The following KCNQ4 variants were observed in gnomAD, a reference collection of about 807,000 sequenced individuals.
The protein encoded by KCNQ4 is potassium voltage-gated channel subfamily Q member 4.
KCNQ4 carries 31 observed loss-of-function variants against 72.6 expected under a neutral mutation model. The ratio of observed to expected loss-of-function variants is 0.43; its 90% CI spans 0.32 to 0.58. KCNQ4 has a LOEUF of 0.58. Among genes scored for constraint, KCNQ4 ranks in the 20% least tolerant of loss-of-function variants. The pLI is 0.08. For missense variants in KCNQ4, 869 were observed against 962.6 expected (o/e 0.90, Z 1.29); for synonymous variants, 405 against 403.7 (o/e 1.00, Z -0.04).
chr1:40,803,081 T>A (rs75789880), intron 1 of KCNQ4, among the ~76,000 whole-genome samples: 1 of 152,184 alleles, frequency 6.6e-6, no homozygotes, highest in African/African-American at 2.4e-5. Flanking sequence ...TGCTTATCAT[T>A]ATTCAATTAT....
intron 1 of KCNQ4, among the ~76,000 whole-genome samples, chr1:40,793,004 CTTTTTTTTT>C (rs10549805): frequency 9.2e-6 from 1 of 109,076 alleles, no homozygotes. Context: ...TTCTTTCTTT[CTTTTTTTTT>C]TTTTTTTTTT....
chr1:40,801,047 C>T (rs1647559051), intron 1 of KCNQ4, among the ~76,000 whole-genome samples: 1 of 152,046 alleles, frequency 6.6e-6, no homozygotes, highest in Admixed American at 6.6e-5. Flanking sequence ...TCTATTTTAA[C>T]AGTAAGAAGC....
chr1:40,822,642 C>T (rs562844088), intron 8 of KCNQ4, among the ~76,000 whole-genome samples: 2 of 152,336 alleles, frequency 1.3e-5, no homozygotes, highest in South Asian at 4.1e-4. Flanking sequence ...TGCCCCATGG[C>T]TGAACCCCGG....
chr1:40,820,538 A>C (rs1648256769), intron 7 of KCNQ4, among the ~76,000 whole-genome samples: 1 of 152,192 alleles, frequency 6.6e-6, no homozygotes, highest in African/African-American at 2.4e-5. Flanking sequence ...GGGCCTGGGG[A>C]GGGGCGGAGC....
intron 11 of KCNQ4, 22 bp from the exon 12 acceptor site, chr1:40,834,943 CCT>C (rs2148332501): frequency 6.2e-7 from 1 of 1,612,076 alleles, no homozygotes; most frequent in East Asian, 2.2e-5. Flanking sequence ...CAGGACACTC[CCT>C]CTGAGCCCCC....
At chr1:40,791,068 C>G (rs927038074) in intron 1 of KCNQ4, among the ~76,000 whole-genome samples, 3 of 152,022 alleles carry the variant, frequency 2.0e-5, no homozygotes, top group Admixed American at 1.3e-4. Flanking sequence ...GAGGAGGGCA[C>G]TCCCCCACTC....
rs188088789 is a variant in KCNQ4, at chr1:40,810,138, C to A, written c.315-7127C>A. ...CAGTGCCTGAGAATGCTACTCAAGGCCCCTGGGTCTGGCCCTCTCTGGTTT... is the reference window on the plus strand; with the variant it reads ...CAGTGCCTGAGAATGCTACTCAAGGACCCTGGGTCTGGCCCTCTCTGGTTT... On this transcript the variant is annotated intron_variant, in intron 1 of 13. Coordinates refer to ENST00000347132, the MANE Select transcript of KCNQ4 (RefSeq NM_004700.4). Among the ~76,000 whole-genome samples, 78 of 152,278 alleles carry A rather than the reference C, an allele frequency of 5.1e-4. 1 individual carries two copies. Among genetic ancestry groups the A allele is most frequent in the African/African-American group, 1.8e-3 (75 of 41,556 alleles).
rs936975745 is a variant in KCNQ4, at chr1:40,784,548, G to C, written c.314+141G>C. 1 of 814,866 alleles carries C rather than the reference G, an allele frequency of 1.2e-6. No individual in the cohort carries two copies. The highest frequency in any genetic ancestry group is 1.7e-5 in the African/African-American group (1 of 59,304). 50.5% of individuals were successfully genotyped at this position (814,866 alleles called of 1,614,324 possible). A position where few individuals can be genotyped will look rare whatever the true frequency, so the allele number is the denominator to read the frequency against. On this transcript the variant is annotated intron_variant, in intron 1 of 13. Transcript: ENST00000347132. This position sits in a 1 kb window ranked among gnomAD's most constrained non-coding sequence, Gnocchi z 4.1. ...TCTCTCTCCCCCCAGGCCTAAGCCC[G>C]GTTTCTGATCCCCTCGCTGAGCCCG... is the stretch of plus-strand genomic sequence containing the variant.
At chr1:40,808,717 C>T (rs1440168623) in intron 1 of KCNQ4, among the ~76,000 whole-genome samples, 1 of 152,228 alleles carries the variant, frequency 6.6e-6, no homozygotes, top group Non-Finnish European at 1.5e-5. Flanking sequence ...GGATCCCAGC[C>T]TCCCATCTTC....
chr1:40,792,670 G>A (rs1484597938), intron 1 of KCNQ4, among the ~76,000 whole-genome samples: 1 of 152,156 alleles, frequency 6.6e-6, no homozygotes, highest in Non-Finnish European at 1.5e-5. Context: ...CAGTCTGGTG[G>A]GAGAGACGGG....
intron 1 of KCNQ4, among the ~76,000 whole-genome samples, chr1:40,800,609 G>A (rs1647544661): frequency 6.6e-6 from 1 of 152,162 alleles, no homozygotes; most frequent in African/African-American, 2.4e-5. Context: ...TCACAGGACA[G>A]TGTGGAAGTC....
At chr1:40,832,863 GAGAC>G in intron 10 of KCNQ4, 147 bp from the exon 11 acceptor site, 1 of 570,538 alleles carries the variant, frequency 1.8e-6, no homozygotes, top group Non-Finnish European at 3.1e-6. Context: ...GGAGGGCAGT[GAGAC>G]ACAGGAGCCC....
In KCNQ4 at chr1:40,788,461, C is replaced by T. The variant is rs1647226385; in HGVS notation, c.314+4054C>T. ...GGTTGTGTGTGCAGCACCAACTATG[C>T]ACAGGGCACCCTGCTGAGCTCTCTC... On this transcript the variant is annotated intron_variant, in intron 1 of 13. Transcript: ENST00000347132. The surrounding 1 kb of genome is among the most constrained non-coding windows in gnomAD (Gnocchi z 4.5). 6.6e-6 allele frequency among the ~76,000 whole-genome samples: 1 copy of T among 152,226 alleles called. No individual in the cohort carries two copies. The highest frequency in any genetic ancestry group is 2.1e-4 in the South Asian group (1 of 4,826).
intron 1 of KCNQ4, among the ~76,000 whole-genome samples, chr1:40,799,439 C>CCG (rs1553166086): frequency 6.6e-6 from 1 of 151,582 alleles, no homozygotes; most frequent in African/African-American, 2.4e-5. Flanking sequence ...CATGCCCCCC[C>CCG]CCTCGCTAGG....
chr1:40,790,132 C>T (rs1305192910), intron 1 of KCNQ4, among the ~76,000 whole-genome samples: 1 of 152,192 alleles, frequency 6.6e-6, no homozygotes, highest in African/African-American at 2.4e-5. Flanking sequence ...CTGAGGCTGA[C>T]AGATCTGCGT....
rs370136815 is a variant in KCNQ4 at position 40,831,315 on chromosome 1, G to C, written c.1513+11G>C. 4 of 1,578,144 alleles carry C rather than the reference G, an allele frequency of 2.5e-6. No homozygotes were observed. In the South Asian group the frequency reaches 3.5e-5, roughly 14 times the overall value. On this transcript the variant is annotated intron_variant, in intron 10 of 13. Transcript: ENST00000347132. ...GCACCTCTGCTGAGGGTAAGCCCCC[G>C]GGGGGCTGAGTCCGATCGAGGGCCG... is the stretch of plus-strand genomic sequence containing the variant.
At chr1:40,837,415 CTCT>C (rs1171527818) in intron 12 of KCNQ4, among the ~76,000 whole-genome samples, 1 of 152,206 alleles carries the variant, frequency 6.6e-6, no homozygotes, top group Non-Finnish European at 1.5e-5. Context: ...ATTTCCATTC[CTCT>C]TTCACCAGAC....
At chr1:40,830,998 C>G in intron 9 of KCNQ4, 86 bp from the exon 10 acceptor site, 4 of 1,182,704 alleles carry the variant, frequency 3.4e-6, no homozygotes, top group Non-Finnish European at 4.9e-6. Flanking sequence ...TAGCCACCCC[C>G]AAGTCCTAAG....
intron 13 of KCNQ4, 39 bp from the exon 14 acceptor site, chr1:40,838,272 G>T (rs201681109): frequency 3.8e-6 from 6 of 1,588,020 alleles, no homozygotes; most frequent in African/African-American, 1.4e-5. Context: ...CGTCCCCTCC[G>T]GTCCCAGGCC....
Sources: gnomAD v4.1 joint callset for allele counts (sites outside exome capture counted in the v4.1 genomes callset) on GRCh38, gnomAD v4.1.1 for gene constraint, Gnocchi (gnomAD v3.1) non-coding constraint, MANE v1.5 for transcripts, NCBI Gene and HGNC (gene_info 2026-07-23, HGNC 2026-07-21) for gene names.